The following EPHA6 variants were observed in gnomAD, a reference collection of about 807,000 sequenced individuals.
EPHA6 encodes EPH receptor A6.
A neutral mutation model predicts 112.0 loss-of-function variants in EPHA6; 50 were observed. The ratio of observed to expected loss-of-function variants is 0.45; its 90% CI spans 0.36 to 0.56. The LOEUF is 0.56. Among genes scored for constraint, EPHA6 ranks in the 20% least tolerant of loss-of-function variants. EPHA6 has a pLI of 0.00. For missense variants in EPHA6, 1,280 were observed against 1,417.4 expected (o/e 0.90, Z 1.56); for synonymous variants, 529 against 490.7 (o/e 1.08, Z -1.03).
At chr3:97,655,576 C>T (rs956849008) in intron 14 of EPHA6, among the ~76,000 whole-genome samples, 19 of 151,680 alleles carry the variant, frequency 1.3e-4, no homozygotes, top group Non-Finnish European at 2.1e-4. Context: ...TGAATAGTGC[C>T]GCAATAAACA....
chr3:96,993,426 A>G (rs2107869927), intron 3 of EPHA6, among the ~76,000 whole-genome samples: 1 of 152,082 alleles, frequency 6.6e-6, no homozygotes, highest in South Asian at 2.1e-4. Context: ...CCTCCTGAGT[A>G]ACTGAGATTT....
intron 5 of EPHA6, among the ~76,000 whole-genome samples, chr3:97,385,327 CCTT>C (rs2085996894): frequency 6.6e-6 from 1 of 152,086 alleles, no homozygotes; most frequent in Non-Finnish European, 1.5e-5. Context: ...AACCCATAGA[CCTT>C]CTTCAGAAAT....
At chr3:97,171,516 T>C (rs969954314) in intron 3 of EPHA6, among the ~76,000 whole-genome samples, 1 of 152,040 alleles carries the variant, frequency 6.6e-6, no homozygotes, top group African/African-American at 2.4e-5. Context: ...ACAGGTATTA[T>C]AAAGATAGAA....
chr3:97,383,167 A>T (rs1360959151), intron 5 of EPHA6, among the ~76,000 whole-genome samples: 3 of 152,062 alleles, frequency 2.0e-5, no homozygotes, highest in Non-Finnish European at 2.9e-5. Flanking sequence ...TTTGGAAAAT[A>T]AGCTGTGGAC....
chr3:97,754,716 A>G lies in EPHA6; in HGVS notation c.*6015A>G, dbSNP rs570420578. ...CCTTTATTTATTTATTTATTCATTT[A>G]TTTTTGAGACGGAGTCTCGCTCTGT... On this transcript the variant is annotated 3_prime_UTR_variant, in exon 18 of 18. Transcript: ENST00000389672. 1.1e-3 allele frequency among the ~76,000 whole-genome samples: 160 copies of G among 152,100 alleles called. No individual in the cohort carries two copies. The highest frequency in any genetic ancestry group is 3.4e-3 in the African/African-American group (141 of 41,510).
At chr3:97,557,328 A>G (rs182862011) in intron 11 of EPHA6, among the ~76,000 whole-genome samples, 8 of 152,094 alleles carry the variant, frequency 5.3e-5, no homozygotes, top group African/African-American at 1.9e-4. Context: ...TTATTGTTTT[A>G]ATTTTTATAA....
intron 10 of EPHA6, among the ~76,000 whole-genome samples, chr3:97,520,935 A>C (rs912385660): frequency 6.6e-6 from 1 of 152,098 alleles, no homozygotes; most frequent in Non-Finnish European, 1.5e-5. Context: ...TTTTGTGAAA[A>C]GACCTATATT....
chr3:97,428,248 GCTAA>G (rs1462032466), intron 6 of EPHA6, among the ~76,000 whole-genome samples: 6 of 152,038 alleles, frequency 3.9e-5, no homozygotes, highest in African/African-American at 1.2e-4. Flanking sequence ...TTAAGGATGT[GCTAA>G]CTTTTTATTT....
intron 3 of EPHA6, among the ~76,000 whole-genome samples, chr3:97,208,843 T>G (rs1281888610): frequency 6.6e-6 from 1 of 152,150 alleles, no homozygotes; most frequent in African/African-American, 2.4e-5. Context: ...AAATAATCAT[T>G]TAAACCTTGT....
At chr3:97,040,926 A>G (rs2045290531) in intron 3 of EPHA6, among the ~76,000 whole-genome samples, 2 of 152,066 alleles carry the variant, frequency 1.3e-5, no homozygotes, top group African/African-American at 4.8e-5. Flanking sequence ...CAAAGGACCT[A>G]TTTACTCAAA....
At chr3:97,028,436 T>C (rs1370507969) in intron 3 of EPHA6, among the ~76,000 whole-genome samples, 1 of 152,132 alleles carries the variant, frequency 6.6e-6, no homozygotes, top group Non-Finnish European at 1.5e-5. Context: ...TAATAGGTGG[T>C]ATGATCACTA....
At chr3:97,273,098 T>C (rs978952356) in intron 5 of EPHA6, among the ~76,000 whole-genome samples, 4 of 152,110 alleles carry the variant, frequency 2.6e-5, no homozygotes, top group Non-Finnish European at 4.4e-5. Flanking sequence ...TTTAGAATTA[T>C]TGGTGATGGC....
At chr3:97,691,959 A>G (rs1207863048) in intron 14 of EPHA6, among the ~76,000 whole-genome samples, 1 of 152,166 alleles carries the variant, frequency 6.6e-6, no homozygotes, top group African/African-American at 2.4e-5. Context: ...GATTCACAAA[A>G]CTAGGGAAAT....
At chr3:97,223,814 G>C (rs4857249) in intron 3 of EPHA6, among the ~76,000 whole-genome samples, 1 of 152,068 alleles carries the variant, frequency 6.6e-6, no homozygotes, top group Non-Finnish European at 1.5e-5. Context: ...CATGGGCAAC[G>C]TTGTAATCCA....
intron 2 of EPHA6, among the ~76,000 whole-genome samples, chr3:96,884,465 A>G (rs1350251076): frequency 6.6e-6 from 1 of 151,832 alleles, no homozygotes; most frequent in African/African-American, 2.4e-5. Flanking sequence ...TGAGTATTTT[A>G]TTATTATTAT....
At chr3:97,714,416 A>C (rs1443259124) in intron 14 of EPHA6, among the ~76,000 whole-genome samples, 1 of 152,188 alleles carries the variant, frequency 6.6e-6, no homozygotes, top group Non-Finnish European at 1.5e-5. Flanking sequence ...TATTATTTCC[A>C]TATTTCAGAA....
intron 2 of EPHA6, among the ~76,000 whole-genome samples, chr3:96,971,041 T>C (rs1465906039): frequency 1.3e-5 from 2 of 152,096 alleles, no homozygotes; most frequent in Non-Finnish European, 2.9e-5. Flanking sequence ...TCCCTTTATT[T>C]AGAAATCCTA....
intron 3 of EPHA6, among the ~76,000 whole-genome samples, chr3:97,050,223 T>C (rs1469852736): frequency 1.3e-5 from 2 of 152,068 alleles, no homozygotes; most frequent in African/African-American, 4.8e-5. Flanking sequence ...CAAAAAAGCA[T>C]TAAATCCAAA....
chr3:96,885,241 A>C (rs1295657290), intron 2 of EPHA6, among the ~76,000 whole-genome samples: 1 of 152,144 alleles, frequency 6.6e-6, no homozygotes, highest in East Asian at 1.9e-4. Flanking sequence ...GGCTTCATCG[A>C]ATGAATTAGG....
Sources: gnomAD v4.1 joint callset for allele counts (sites outside exome capture counted in the v4.1 genomes callset) on GRCh38, gnomAD v4.1.1 for gene constraint, MANE v1.5 for transcripts, NCBI Gene and HGNC (gene_info 2026-07-23, HGNC 2026-07-21) for gene names.